ETV7: variants seen among roughly 807,000 people sequenced by gnomAD.
The protein encoded by ETV7 is ETS variant transcription factor 7.
Under a neutral mutation model 39.1 loss-of-function variants are expected in ETV7, and 43 were observed. That is an observed-to-expected ratio of 1.10 (90% CI 0.86 to 1.42). ETV7 has a LOEUF of 1.42. Ranked by LOEUF, ETV7 falls within the 40% of genes most tolerant of loss-of-function variation. The pLI is 0.00. For missense variants in ETV7, 432 were observed against 442.3 expected, an observed-to-expected ratio of 0.98 and a Z score of 0.21; for synonymous variants, 196 against 176.6, an observed-to-expected ratio of 1.11 and a Z score of -0.87.
downstream of ETV7, among the ~76,000 whole-genome samples, chr6:36,365,499 G>A (rs1018600520): frequency 6.6e-6 from 1 of 152,196 alleles, no homozygotes; most frequent in Non-Finnish European, 1.5e-5. Context: ...GCCCCAGAGA[G>A]GCGGAACACC....
At chr6:36,364,785 G>T (rs1208374765), downstream of ETV7, among the ~76,000 whole-genome samples, 3 of 152,376 alleles carry the variant, frequency 2.0e-5, no homozygotes, top group Admixed American at 6.5e-5. Flanking sequence ...CCAGCACGCT[G>T]TCATCTCTCA....
intron 2 of ETV7, among the ~76,000 whole-genome samples, chr6:36,383,231 G>C (rs143958577): frequency 6.6e-6 from 1 of 152,106 alleles, no homozygotes; most frequent in East Asian, 1.9e-4. Context: ...GGGGAGGTGA[G>C]AATCCTCTTT....
intron 5 of ETV7, among the ~76,000 whole-genome samples, chr6:36,369,922 C>T (rs1229199300): frequency 4.0e-5 from 6 of 151,376 alleles, no homozygotes; most frequent in Admixed American, 3.9e-4. Flanking sequence ...AAAAAAAACC[C>T]AGTAATTGTG....
downstream of ETV7, among the ~76,000 whole-genome samples, chr6:36,365,740 C>T (rs1319582644): frequency 6.6e-6 from 1 of 152,152 alleles, no homozygotes; most frequent in Non-Finnish European, 1.5e-5. Context: ...AGGTCGAAGC[C>T]CTGGGTTGTG....
intron 3 of ETV7, among the ~76,000 whole-genome samples, chr6:36,375,373 A>G (rs1454511466): frequency 6.6e-6 from 1 of 151,786 alleles, no homozygotes; most frequent in African/African-American, 2.4e-5. Flanking sequence ...GTCCCTCCCC[A>G]CAAACTCCGT....
At chr6:36,375,774 A>T in intron 3 of ETV7, 97 bp downstream of exon 3, 2 of 1,576,214 alleles carry the variant, frequency 1.3e-6, no homozygotes, top group Non-Finnish European at 1.7e-6. Flanking sequence ...CCCAAGGAAG[A>T]CCCCTCCATC....
chr6:36,383,134 A>G (rs921960318), intron 2 of ETV7, among the ~76,000 whole-genome samples: 1 of 152,188 alleles, frequency 6.6e-6, no homozygotes, highest in Admixed American at 6.5e-5. Context: ...CTGCACTGCC[A>G]GCTGTCCCTG....
At chr6:36,378,788 C>T (rs1381982833) in intron 2 of ETV7, among the ~76,000 whole-genome samples, 1 of 152,148 alleles carries the variant, frequency 6.6e-6, no homozygotes, top group Non-Finnish European at 1.5e-5. Flanking sequence ...CAGCCTAGTT[C>T]TAACAACTAA....
chr6:36,376,488 G>T (rs1482146836), intron 2 of ETV7, among the ~76,000 whole-genome samples: 2 of 152,282 alleles, frequency 1.3e-5, no homozygotes, highest in South Asian at 4.1e-4. Flanking sequence ...AATGAAAGGG[G>T]TGTTACTGGC....
downstream of ETV7, among the ~76,000 whole-genome samples, chr6:36,362,888 C>A (rs1772549696): frequency 6.6e-6 from 1 of 152,226 alleles, no homozygotes; most frequent in African/African-American, 2.4e-5. Flanking sequence ...CAGGCAAACA[C>A]CACTTATAAC....
chr6:36,382,761 C>T (rs1773715050), intron 2 of ETV7, among the ~76,000 whole-genome samples: 1 of 152,182 alleles, frequency 6.6e-6, no homozygotes, highest in Admixed American at 6.5e-5. Context: ...TACGTCTCTT[C>T]CCATGGCTTA....
chr6:36,378,240 G>GAAAAAAAAAA (rs34940984), intron 2 of ETV7, among the ~76,000 whole-genome samples: 1 of 140,338 alleles, frequency 7.1e-6, no homozygotes. Context: ...ATCTAATATG[G>GAAAAAAAAAA]AAAAAAAAAA....
At chr6:36,361,286 C>T (rs749410039), downstream of ETV7, among the ~76,000 whole-genome samples, 1 of 152,210 alleles carries the variant, frequency 6.6e-6, no homozygotes, top group Admixed American at 6.5e-5. Context: ...GCGCAGGGCC[C>T]TGACACCGGC....
At chr6:36,363,503 G>A (rs895260025), downstream of ETV7, among the ~76,000 whole-genome samples, 6 of 152,132 alleles carry the variant, frequency 3.9e-5, no homozygotes, top group South Asian at 1.2e-3. Context: ...TGGGCTCGCT[G>A]GCTTCAGGAG....
downstream of ETV7, among the ~76,000 whole-genome samples, chr6:36,364,957 AGGAC>A (rs1772665411): frequency 6.6e-6 from 1 of 152,220 alleles, no homozygotes; most frequent in Non-Finnish European, 1.5e-5. Flanking sequence ...GGTCCCAGAT[AGGAC>A]TAAGCCTGGA....
At chr6:36,358,623 T>C (rs1054413842) in intron 7 of ETV7, among the ~76,000 whole-genome samples, 2 of 152,224 alleles carry the variant, frequency 1.3e-5, no homozygotes, top group African/African-American at 4.8e-5. Context: ...CACTGACCCT[T>C]GTGGGGGTGG....
chr6:36,369,732 C>T (rs1346253055), intron 5 of ETV7, among the ~76,000 whole-genome samples: 2 of 152,186 alleles, frequency 1.3e-5, no homozygotes, highest in East Asian at 3.8e-4. Context: ...ACCCTCAGCA[C>T]AGTGCCTGGT....
chr6:36,377,995 G>T (rs753766807), intron 2 of ETV7, among the ~76,000 whole-genome samples: 18 of 152,222 alleles, frequency 1.2e-4, no homozygotes, highest in South Asian at 2.1e-4. Context: ...TTTAAGGCAG[G>T]AAAAAAGAAT....
intron 7 of ETV7, among the ~76,000 whole-genome samples, chr6:36,360,051 C>A (rs1449853429): frequency 6.6e-6 from 1 of 152,150 alleles, no homozygotes; most frequent in Non-Finnish European, 1.5e-5. Context: ...TGCCACCATG[C>A]CCAGCTAATT....
Sources: allele counts gnomAD v4.1 joint callset (sites outside exome capture counted in the v4.1 genomes callset), GRCh38; gene constraint gnomAD v4.1.1; transcripts MANE v1.5; gene names NCBI Gene and HGNC (gene_info 2026-07-23, HGNC 2026-07-21).